Variants in HELZ observed in about 807,000 individuals in gnomAD.
HELZ encodes the protein ATP-dependent RNA helicase with zinc finger domain.
Under a neutral mutation model 218.2 loss-of-function variants are expected in HELZ, and 23 were observed. The ratio of observed to expected loss-of-function variants is 0.11; its 90% CI spans 0.08 to 0.15. The LOEUF is 0.15. Ranked by LOEUF, HELZ falls within the 10% of genes least tolerant of loss-of-function variation. HELZ has a pLI of 1.00. For synonymous variants in HELZ, 814 were observed against 829.4 expected (o/e 0.98, Z 0.32); for missense variants, 1,813 against 2,353.7 (o/e 0.77, Z 4.75).
rs1029114103 is a variant in HELZ, at chr17:67,073,709, A to T, written c.*4543T>A. 6.6e-6 allele frequency: 1 copy of T among 152,222 alleles called. No homozygotes were observed. Among genetic ancestry groups the T allele is most frequent in the Non-Finnish European group, 1.5e-5 (1 of 68,036 alleles). The allele number at this position is 152,222 out of a possible 1,614,324, so 9.4% of individuals were successfully genotyped here. On this transcript the variant is annotated 3_prime_UTR_variant, in exon 33 of 33. Transcript: ENST00000358691. ...TTGGTTCAAAAATTTTAAACGTTAC[A>T]TTAAAATTGTTTTTAAATCTCTTGA...
chr17:67,245,554 G>A (rs1023627635), upstream of HELZ: 2 of 980,660 alleles, frequency 2.0e-6, no homozygotes, highest in East Asian at 2.3e-4. Context: ...GCGCGGAGCT[G>A]CTCGCGGATT....
chr17:67,245,926 CA>C (rs2041471041), upstream of HELZ: 2 of 152,148 alleles, frequency 1.3e-5, no homozygotes, highest in South Asian at 4.1e-4. Flanking sequence ...TCCGCGGAGC[CA>C]CCCTGGGAGC....
intron 12 of HELZ, among the ~76,000 whole-genome samples, chr17:67,185,099 C>CA (rs1198146140): frequency 9.2e-5 from 14 of 152,288 alleles, no homozygotes; most frequent in African/African-American, 3.4e-4. Flanking sequence ...GCCAGGCTGT[C>CA]AGATTGTCAC....
chr17:67,203,528 C>A, intron 5 of HELZ, 85 bp from the exon 6 acceptor site: 1 of 1,497,842 alleles, frequency 6.7e-7, no homozygotes, highest in Non-Finnish European at 9.1e-7. Context: ...CTATCACAAG[C>A]GTGGCTTTTT....
chr17:67,209,604 A>G (rs1367456221), intron 5 of HELZ, among the ~76,000 whole-genome samples: 1 of 152,142 alleles, frequency 6.6e-6, no homozygotes, highest in Non-Finnish European at 1.5e-5. Flanking sequence ...TCTCAAAAAC[A>G]AAACAAAACA....
intron 29 of HELZ, 112 bp downstream of exon 29, chr17:67,109,004 T>C: frequency 4.4e-6 from 4 of 905,006 alleles, no homozygotes; most frequent in Admixed American, 2.7e-5. Context: ...TGGGGGGGTT[T>C]TGCTAGCATT....
chr17:67,188,175 C>T lies in HELZ; in HGVS notation c.1162+144G>A. On this transcript the variant is annotated intron_variant, in intron 12 of 32. Transcript: ENST00000358691. This position sits in a 1 kb window ranked among gnomAD's most constrained non-coding sequence, Gnocchi z 4.1. ...AGTGTGAATCATTATAAGCCCATTA[C>T]ACAGTAAATGAGTCAATTAAGTTGG... is the stretch of plus-strand genomic sequence containing the variant. 1 of 719,802 alleles carries T rather than the reference C, an allele frequency of 1.4e-6. No homozygotes were observed. The highest frequency in any genetic ancestry group is 2.3e-6 in the Non-Finnish European group (1 of 440,974). The allele number at this position is 719,802 out of a possible 1,614,324, so 44.6% of individuals were successfully genotyped here.
chr17:67,094,343 G>A (rs1458840377), intron 31 of HELZ, among the ~76,000 whole-genome samples: 3 of 150,798 alleles, frequency 2.0e-5, no homozygotes, highest in African/African-American at 7.4e-5. Context: ...AAGAGAGAGA[G>A]AGAGAGAGAG....
At chr17:67,086,631 A>AATTATATATAT (rs1555594210) in intron 32 of HELZ, among the ~76,000 whole-genome samples, 198 bp downstream of exon 32, 16 of 93,300 alleles carry the variant, frequency 1.7e-4, no homozygotes, top group African/African-American at 7.7e-4. Flanking sequence ...TATAAATATA[A>AATTATATATAT]ATATATATAT....
chr17:67,232,124 C>T (rs1353314269), intron 3 of HELZ, among the ~76,000 whole-genome samples: 3 of 148,948 alleles, frequency 2.0e-5, no homozygotes, highest in African/African-American at 7.4e-5. Context: ...GCTATTACAG[C>T]TTTTTTATTC....
chr17:67,158,847 T>C (rs907097203), intron 17 of HELZ, among the ~76,000 whole-genome samples: 2 of 152,160 alleles, frequency 1.3e-5, no homozygotes, highest in Non-Finnish European at 2.9e-5. Flanking sequence ...TGGAAAAAGC[T>C]AAATATAAGC....
At chr17:67,232,882 C>T (rs973206456) in intron 3 of HELZ, among the ~76,000 whole-genome samples, 1 of 152,116 alleles carries the variant, frequency 6.6e-6, no homozygotes, top group Non-Finnish European at 1.5e-5. Context: ...GCCTGTAATC[C>T]CAGCACTTTG....
At chr17:67,091,925 C>T (rs936626700) in intron 31 of HELZ, among the ~76,000 whole-genome samples, 8 of 152,084 alleles carry the variant, frequency 5.3e-5, no homozygotes, top group South Asian at 2.1e-4. Flanking sequence ...AAAGCAAATA[C>T]GCTACAGTTT....
chr17:67,160,912 T>C lies in HELZ; in HGVS notation c.2060A>G (p.Gln687Arg). Reference sequence around the variant, plus strand: ...ACCCTCTCACCTAGTCTCCTGTTGCTGCAGAATATGTTTGACAGCCTGAGC... The same window carrying C: ...ACCCTCTCACCTAGTCTCCTGTTGCCGCAGAATATGTTTGACAGCCTGAGC... ...TLAQAVKHILQQQETRILICT... is the reference protein window; with the variant it reads ...TLAQAVKHILRQQETRILICT... Residue 687 changes from glutamine (Q) to arginine (R), a missense_variant, in exon 16 of 33, where the codon CAG becomes CGG. Coordinates refer to ENST00000358691, the MANE Select transcript of HELZ (RefSeq NM_014877.4). 4 of 1,605,876 alleles carry C rather than the reference T, an allele frequency of 2.5e-6. No homozygotes were observed. Among genetic ancestry groups the C allele is most frequent in the Non-Finnish European group, 3.4e-6 (4 of 1,175,848 alleles).
chr17:67,100,000 G>A (rs2036874445), intron 31 of HELZ, among the ~76,000 whole-genome samples: 1 of 152,144 alleles, frequency 6.6e-6, no homozygotes, highest in Non-Finnish European at 1.5e-5. Flanking sequence ...ATACATTAAT[G>A]ATCTCTTTGA....
At chr17:67,160,438 A>G (rs1387938909) in intron 16 of HELZ, 76 bp from the exon 17 acceptor site, 2 of 934,878 alleles carry the variant, frequency 2.1e-6, no homozygotes, top group Middle Eastern at 2.2e-4. Flanking sequence ...CCAAAAAAAA[A>G]AGCAGTGGCC....
At chr17:67,171,297 T>C (rs546906225) in intron 13 of HELZ, among the ~76,000 whole-genome samples, 1 of 152,312 alleles carries the variant, frequency 6.6e-6, no homozygotes, top group African/African-American at 2.4e-5. Flanking sequence ...TTTGATTACA[T>C]GCCCTTTAAA....
chr17:67,189,596 G>A lies in HELZ; in HGVS notation c.857C>T (p.Thr286Ile), dbSNP rs1443529087. The change falls in exon 11 of 33, where the codon ACT becomes ATT. Residue 286 changes from threonine to isoleucine, a missense_variant. By Grantham distance (89) the Thr-to-Ile change is moderately conservative. Around this residue, in one of 4 missense-constraint regions of HELZ, gnomAD observed 714 missense variants for 1,029.2 expected, o/e 0.69. Coordinates refer to ENST00000358691, the MANE Select transcript of HELZ (RefSeq NM_014877.4). Reference sequence around the variant, plus strand: ...CTAGCACAAAATTCATACCTTACAAGTGAGAGCAAAGGTCCATGTCTGGTG... The same window carrying A: ...CTAGCACAAAATTCATACCTTACAAATGAGAGCAAAGGTCCATGTCTGGTG... ...KSHQTWTFAL[T>I]CKPARMLYRV... The A allele has an allele frequency of 1.2e-6, 2 of 1,606,006 alleles. No homozygotes were observed. The highest frequency in any genetic ancestry group is 1.3e-5 in the African/African-American group (1 of 74,740).
At chr17:67,158,088 T>A (rs11867533) in intron 17 of HELZ, among the ~76,000 whole-genome samples, 60,116 of 152,176 alleles carry the variant, frequency 0.4, 13,280 homozygotes, top group Non-Finnish European at 0.51. Flanking sequence ...TCCTGGCAAC[T>A]AAAAGAATTT....
Sources: allele counts gnomAD v4.1 joint callset (sites outside exome capture counted in the v4.1 genomes callset), GRCh38; gene constraint gnomAD v4.1.1; regional missense constraint gnomAD v4.1.1; non-coding constraint Gnocchi (gnomAD v3.1); transcripts MANE v1.5; gene names NCBI Gene and HGNC (gene_info 2026-07-23, HGNC 2026-07-21).